SV2C: variants seen among roughly 807,000 people sequenced by gnomAD.
The protein encoded by SV2C is synaptic vesicle glycoprotein 2C, also known as solute carrier family 22 member B3.
Under a neutral mutation model 79.7 loss-of-function variants are expected in SV2C, and 49 were observed. That is an observed-to-expected ratio of 0.61 (90% CI 0.49 to 0.78). The LOEUF (loss-of-function observed/expected upper bound fraction) is 0.78, where lower values mean the gene tolerates loss of function less well. Among genes scored for constraint, SV2C ranks in the 30% least tolerant of loss-of-function variants. The probability of loss-of-function intolerance (pLI) is 0.00; values close to 1 mark genes in which losing one functional copy is unlikely to be tolerated. For synonymous variants in SV2C, 334 were observed against 333.2 expected (o/e 1.00, Z -0.03); for missense variants, 833 against 912.9 (o/e 0.91, Z 1.13).
At chr5:76,164,171 G>A (rs1742976025) in intron 2 of SV2C, among the ~76,000 whole-genome samples, 1 of 152,100 alleles carries the variant, frequency 6.6e-6, no homozygotes, top group African/African-American at 2.4e-5. Context: ...ACTTCCTAAA[G>A]CACTCAAGTC....
intron 4 of SV2C, among the ~76,000 whole-genome samples, chr5:76,211,463 CGTGTGTGTGTGTGT>C (rs10593541): frequency 2.0e-5 from 3 of 149,474 alleles, no homozygotes; most frequent in East Asian, 2.0e-4. Flanking sequence ...GTTCTGGTTG[CGTGTGTGTGTGTGT>C]GTGTGTGTGT....
At chr5:76,022,579 G>A in the SV2C span, among the ~76,000 whole-genome samples, 1 of 152,086 alleles carries the variant, frequency 6.6e-6, no homozygotes, top group Non-Finnish European at 1.5e-5. Context: ...ACCCACAATG[G>A]CTGACCTTCT....
the SV2C span, among the ~76,000 whole-genome samples, chr5:75,884,042 G>T: frequency 5.9e-5 from 9 of 152,058 alleles, no homozygotes; most frequent in Admixed American, 6.6e-5. Context: ...AATTAATAAA[G>T]ACTGGGGATC....
the SV2C span, among the ~76,000 whole-genome samples, chr5:75,866,907 G>A: frequency 6.6e-6 from 1 of 152,180 alleles, no homozygotes; most frequent in Non-Finnish European, 1.5e-5. Context: ...CTCTTAGGGT[G>A]TAGTGGAGGA....
upstream of SV2C, chr5:76,078,881 T>A: frequency 1.8e-6 from 1 of 569,000 alleles, no homozygotes; most frequent in Non-Finnish European, 3.5e-6. Flanking sequence ...TTGGTGTTGC[T>A]GGACCTTCAG....
At chr5:76,120,761 C>T (rs1215141145) in intron 1 of SV2C, among the ~76,000 whole-genome samples, 1 of 150,248 alleles carries the variant, frequency 6.7e-6, no homozygotes, top group Non-Finnish European at 1.5e-5. Context: ...TTAATCCAGT[C>T]TATCATCATT....
At chr5:76,036,445 G>A in the SV2C span, among the ~76,000 whole-genome samples, 3 of 152,074 alleles carry the variant, frequency 2.0e-5, no homozygotes, top group Non-Finnish European at 4.4e-5. Context: ...GCCTGGTGGT[G>A]ACAAAATCTC....
In SV2C at chr5:76,173,802, T is replaced by C. The variant is rs368090355; in HGVS notation, c.581-21117T>C. 3.7e-6 allele frequency: 6 copies of C among 1,602,480 alleles called. No homozygotes were observed. In the African/African-American group the frequency reaches 8.0e-5, roughly 21 times the overall value. ...CTTGCTAGATTTTGACCTTGTTCCTTCCCTACAACTCTTTCATCTTCCAAG... is the reference window on the plus strand; with the variant it reads ...CTTGCTAGATTTTGACCTTGTTCCTCCCCTACAACTCTTTCATCTTCCAAG... On this transcript the variant is annotated intron_variant, in intron 2 of 12. Coordinates refer to ENST00000502798, the MANE Select transcript of SV2C (RefSeq NM_014979.4).
At chr5:75,924,112 T>C in the SV2C span, among the ~76,000 whole-genome samples, 1 of 152,108 alleles carries the variant, frequency 6.6e-6, no homozygotes, top group Non-Finnish European at 1.5e-5. Context: ...TTGCAGCAAC[T>C]TGGATGGGGC....
the SV2C span, among the ~76,000 whole-genome samples, chr5:75,864,174 C>G: frequency 6.6e-6 from 1 of 152,002 alleles, no homozygotes; most frequent in Non-Finnish European, 1.5e-5. Flanking sequence ...GCAAAAAGTT[C>G]TTTTTTTATA....
the SV2C span, among the ~76,000 whole-genome samples, chr5:75,978,743 G>T: frequency 2.0e-5 from 3 of 152,200 alleles, no homozygotes; most frequent in Non-Finnish European, 2.9e-5. Flanking sequence ...TACCTTGAAA[G>T]AGGTGAAAGA....
At chr5:76,319,426 A>AT (rs893916100) in intron 12 of SV2C, among the ~76,000 whole-genome samples, 1 of 152,160 alleles carries the variant, frequency 6.6e-6, no homozygotes. Flanking sequence ...TCAAAAAAAA[A>AT]GAAAAAAAGA....
the SV2C span, chr5:75,911,762 C>A: frequency 3.3e-6 from 2 of 605,946 alleles, no homozygotes; most frequent in Admixed American, 1.9e-5. Context: ...TTAGCTGACT[C>A]CTCGGAGGGC....
intron 12 of SV2C, among the ~76,000 whole-genome samples, chr5:76,351,867 G>C (rs570311958): frequency 1.3e-5 from 2 of 152,206 alleles, no homozygotes; most frequent in South Asian, 2.1e-4. Context: ...CTGTCATTTA[G>C]AGCATCATCA....
At position 76,330,118 on chromosome 5, in the gene SV2C, T is replaced by C. The variant is rs868147237; in HGVS notation, c.*4571T>C. On this transcript the variant is annotated 3_prime_UTR_variant, in exon 13 of 13. Coordinates refer to ENST00000502798, the MANE Select transcript of SV2C (RefSeq NM_014979.4). ...TCTGGATGTATTGTGTGTCCCTTCATTGTTTCAGGTATGGCGTAACAGTTC... is the reference window on the plus strand; with the variant it reads ...TCTGGATGTATTGTGTGTCCCTTCACTGTTTCAGGTATGGCGTAACAGTTC... The C allele has an allele frequency of 2.0e-5, 3 of 152,144 alleles. No individual in the cohort carries two copies. Among genetic ancestry groups the C allele is most frequent in the Admixed American group, 1.3e-4 (2 of 15,284 alleles). 9.4% of individuals were successfully genotyped at this position (152,144 alleles called of 1,614,324 possible). A position where few individuals can be genotyped will look rare whatever the true frequency, so the allele number is the denominator to read the frequency against.
intron 4 of SV2C, among the ~76,000 whole-genome samples, chr5:76,220,813 A>G (rs1003565443): frequency 1.2e-4 from 18 of 152,250 alleles, no homozygotes; most frequent in African/African-American, 4.3e-4. Context: ...CATTCGTAGC[A>G]TGTTCCAACT....
At chr5:76,313,308 C>T (rs982168348) in intron 12 of SV2C, among the ~76,000 whole-genome samples, 2 of 152,120 alleles carry the variant, frequency 1.3e-5, no homozygotes, top group Non-Finnish European at 2.9e-5. Context: ...CCACTCCATC[C>T]CTGGCCCTCT....
the SV2C span, among the ~76,000 whole-genome samples, chr5:75,860,462 T>G: frequency 1.3e-5 from 2 of 152,174 alleles, no homozygotes; most frequent in Non-Finnish European, 2.9e-5. Context: ...TGGAAAAACA[T>G]TTTATGATCA....
At chr5:76,141,807 G>A (rs1283026480) in intron 2 of SV2C, among the ~76,000 whole-genome samples, 4 of 75,168 alleles carry the variant, frequency 5.3e-5, no homozygotes, top group Non-Finnish European at 9.8e-5. Context: ...CTGGGTGACA[G>A]AGCAAAAGTC....
Sources: gnomAD v4.1 joint callset for allele counts (sites outside exome capture counted in the v4.1 genomes callset) on GRCh38, gnomAD v4.1.1 for gene constraint, MANE v1.5 for transcripts, NCBI Gene and HGNC (gene_info 2026-07-23, HGNC 2026-07-21) for gene names.